Variants in ASTN2 observed in about 807,000 individuals in gnomAD.
ASTN2 encodes astrotactin 2, also known as astrotactin-2.
Under a neutral mutation model 139.8 loss-of-function variants are expected in ASTN2, and 54 were observed. The observed-to-expected ratio is 0.39, with a 90% CI of 0.31 to 0.48. ASTN2 has a LOEUF of 0.48. Among genes scored for constraint, ASTN2 ranks in the 20% least tolerant of loss-of-function variants. The pLI, the probability that ASTN2 is intolerant of heterozygous loss-of-function variation, is 0.95. For missense variants in ASTN2, 1,565 were observed against 1,725.1 expected, an observed-to-expected ratio of 0.91 and a Z score of 1.64; for synonymous variants, 756 against 719.5, an observed-to-expected ratio of 1.05 and a Z score of -0.81.
chr9:117,386,885 G>A (rs1197406127), intron 1 of ASTN2, among the ~76,000 whole-genome samples: 2 of 152,158 alleles, frequency 1.3e-5, no homozygotes, highest in African/African-American at 4.8e-5. Context: ...GCAACACTTT[G>A]TGTTGTAAAA....
intron 20 of ASTN2, among the ~76,000 whole-genome samples, chr9:116,485,344 G>A (rs1849304497): frequency 7.5e-6 from 1 of 133,798 alleles, no homozygotes; most frequent in Non-Finnish European, 1.7e-5. Context: ...CCAGGTCTGT[G>A]TGCCTTCAGT....
chr9:116,559,314 G>A (rs959546726), intron 19 of ASTN2, among the ~76,000 whole-genome samples: 3 of 152,196 alleles, frequency 2.0e-5, no homozygotes, highest in African/African-American at 4.8e-5. Flanking sequence ...CCAGATGGAC[G>A]AGAAAATCAT....
intron 10 of ASTN2, among the ~76,000 whole-genome samples, chr9:116,868,473 G>A (rs1833073656): frequency 1.3e-5 from 2 of 152,146 alleles, no homozygotes; most frequent in Non-Finnish European, 2.9e-5. Flanking sequence ...CAATCTCTCT[G>A]TCTTAGCAGA....
intron 12 of ASTN2, among the ~76,000 whole-genome samples, chr9:116,809,590 T>C (rs1588311342): frequency 6.6e-6 from 1 of 152,228 alleles, no homozygotes; most frequent in East Asian, 1.9e-4. Flanking sequence ...TTCAAATGAA[T>C]TTCAGAATGG....
intron 19 of ASTN2, among the ~76,000 whole-genome samples, chr9:116,578,618 ACGTGTG>A (rs1853820760): frequency 2.0e-5 from 2 of 98,632 alleles, no homozygotes; most frequent in Admixed American, 1.2e-4. Context: ...TCTGGCTCCA[ACGTGTG>A]TGTGTGTGTG....
At chr9:116,690,705 C>T (rs1860522679) in intron 16 of ASTN2, among the ~76,000 whole-genome samples, 2 of 152,102 alleles carry the variant, frequency 1.3e-5, no homozygotes, top group South Asian at 4.1e-4. Context: ...GATTTGAATC[C>T]TTGCTCTATT....
intron 20 of ASTN2, among the ~76,000 whole-genome samples, chr9:116,474,828 G>A (rs1004732857): frequency 2.6e-5 from 4 of 152,184 alleles, no homozygotes; most frequent in African/African-American, 9.6e-5. Flanking sequence ...AGCAAAGCTG[G>A]GCATGCAGCC....
intron 20 of ASTN2, among the ~76,000 whole-genome samples, chr9:116,479,707 T>C (rs541454548): frequency 6.6e-6 from 1 of 152,290 alleles, no homozygotes; most frequent in African/African-American, 2.4e-5. Flanking sequence ...GGGACAAAGT[T>C]TGAAATTCAA....
In ASTN2 at chr9:116,698,152, C is replaced by T. The variant is rs897930061; in HGVS notation, c.2806+27619G>A. Reference sequence around the variant, plus strand: ...CAGCCTCCTGGCCACTGTACACTCCCTGTCAAAGAAGCAGCTGAGGAGCGG... The same window carrying T: ...CAGCCTCCTGGCCACTGTACACTCCTTGTCAAAGAAGCAGCTGAGGAGCGG... On this transcript the variant is annotated intron_variant, in intron 16 of 22. Coordinates refer to ENST00000313400, the MANE Select transcript of ASTN2 (RefSeq NM_001365068.1). The surrounding 1 kb of genome is among the most constrained non-coding windows in gnomAD (Gnocchi z 4.4). The T allele has an allele frequency of 1.4e-5, 22 of 1,614,038 alleles. No individual in the cohort carries two copies. The highest frequency in any genetic ancestry group is 1.8e-5 in the Non-Finnish European group (21 of 1,180,052).
At chr9:117,080,030 G>A (rs1007604907) in intron 5 of ASTN2, among the ~76,000 whole-genome samples, 3 of 107,408 alleles carry the variant, frequency 2.8e-5, no homozygotes, top group Admixed American at 9.5e-5. Context: ...TTCACACCGC[G>A]AGGACACATA....
At chr9:117,408,538 C>T (rs563006201) in intron 1 of ASTN2, among the ~76,000 whole-genome samples, 85 of 152,256 alleles carry the variant, frequency 5.6e-4, no homozygotes, top group Non-Finnish European at 9.6e-4. Flanking sequence ...TAGTGTATAA[C>T]AAAGCAAGGA....
intron 19 of ASTN2, among the ~76,000 whole-genome samples, chr9:116,534,032 T>C (rs1428238460): frequency 6.6e-6 from 1 of 152,176 alleles, no homozygotes; most frequent in Non-Finnish European, 1.5e-5. Context: ...ATTGCCTCAG[T>C]TTCAGAGCCT....
At chr9:116,600,500 G>A (rs1246064869) in intron 19 of ASTN2, among the ~76,000 whole-genome samples, 1 of 152,090 alleles carries the variant, frequency 6.6e-6, no homozygotes, top group African/African-American at 2.4e-5. Context: ...TTCAATTCTT[G>A]ACTCCACACT....
chr9:117,117,612 A>G (rs978674585), intron 4 of ASTN2, among the ~76,000 whole-genome samples: 1 of 152,172 alleles, frequency 6.6e-6, no homozygotes, highest in African/African-American at 2.4e-5. Context: ...AATCAAGAGG[A>G]GTTCTCATCA....
chr9:116,859,173 C>A (rs1832815713), intron 11 of ASTN2, among the ~76,000 whole-genome samples: 1 of 152,212 alleles, frequency 6.6e-6, no homozygotes, highest in Non-Finnish European at 1.5e-5. Context: ...TATTCTCGCT[C>A]TTTTAAGGTC....
chr9:116,646,100 T>C (rs1033362721), intron 17 of ASTN2, among the ~76,000 whole-genome samples: 3 of 152,154 alleles, frequency 2.0e-5, no homozygotes, highest in African/African-American at 4.8e-5. Context: ...GAAGACACCA[T>C]TCAGCATCAC....
intron 10 of ASTN2, among the ~76,000 whole-genome samples, chr9:116,871,052 A>G (rs1045377435): frequency 6.6e-6 from 1 of 152,036 alleles, no homozygotes; most frequent in Non-Finnish European, 1.5e-5. Context: ...AGGCCAGGAG[A>G]TCGAGACCAT....
chr9:116,486,018 C>A (rs1321558794), intron 20 of ASTN2, among the ~76,000 whole-genome samples: 3 of 152,136 alleles, frequency 2.0e-5, no homozygotes, highest in African/African-American at 7.2e-5. Flanking sequence ...AGATACCAAG[C>A]CAGGGTGTTT....
At chr9:116,872,226 C>T (rs1424434009) in intron 10 of ASTN2, among the ~76,000 whole-genome samples, 3 of 152,176 alleles carry the variant, frequency 2.0e-5, no homozygotes, top group Admixed American at 6.5e-5. Flanking sequence ...GGGCAAGTCT[C>T]TTAAACCCTG....
Sources: gnomAD v4.1 joint callset for allele counts (sites outside exome capture counted in the v4.1 genomes callset) on GRCh38, gnomAD v4.1.1 for gene constraint, Gnocchi (gnomAD v3.1) non-coding constraint, MANE v1.5 for transcripts, NCBI Gene and HGNC (gene_info 2026-07-23, HGNC 2026-07-21) for gene names.